The following KATNA1 variants were observed in gnomAD, a reference collection of about 807,000 sequenced individuals.
KATNA1 encodes katanin p60 ATPase-containing subunit A1.
In KATNA1, 42 loss-of-function variants were observed where a neutral mutation model predicts 62.6. The ratio of observed to expected loss-of-function variants is 0.67; its 90% CI spans 0.52 to 0.87. The LOEUF (loss-of-function observed/expected upper bound fraction) is 0.87. Among genes scored for constraint, KATNA1 ranks in the 40% least tolerant of loss-of-function variants. KATNA1 has a pLI of 0.00. For missense variants in KATNA1, 498 were observed against 612.5 expected, an observed-to-expected ratio of 0.81 and a Z score of 1.97; for synonymous variants, 186 against 201.9, an observed-to-expected ratio of 0.92 and a Z score of 0.67.
intron 3 of KATNA1, among the ~76,000 whole-genome samples, chr6:149,627,276 C>T (rs2114590297): frequency 6.6e-6 from 1 of 151,722 alleles, no homozygotes; most frequent in South Asian, 2.1e-4. Flanking sequence ...CACATGTGAT[C>T]CCAGTACTTT....
chr6:149,594,967 G>C lies in KATNA1; in HGVS notation c.*69C>G. On this transcript the variant is annotated 3_prime_UTR_variant, in exon 11 of 11. Transcript: ENST00000367411. ...AAAGTTAAAAAAAATATAGCACTCAGTACAATGAATTACTGCATTTAATAT... is the reference window on the plus strand; with the variant it reads ...AAAGTTAAAAAAAATATAGCACTCACTACAATGAATTACTGCATTTAATAT... 1 of 1,237,090 alleles carries C rather than the reference G, an allele frequency of 8.1e-7. No individual in the cohort carries two copies. Among genetic ancestry groups the C allele is most frequent in the Non-Finnish European group, 1.2e-6 (1 of 853,696 alleles). The allele number at this position is 1,237,090 out of a possible 1,614,324, so 76.6% of individuals were successfully genotyped here.
chr6:149,596,489 C>T (rs967734177), intron 10 of KATNA1, among the ~76,000 whole-genome samples: 231 of 152,272 alleles, frequency 1.5e-3, no homozygotes, highest in African/African-American at 5.3e-3. Context: ...GAGCCGAGAT[C>T]GGACCACTGC....
chr6:149,638,754 T>TG (rs1780169677), intron 1 of KATNA1, among the ~76,000 whole-genome samples, 194 bp from the exon 2 acceptor site: 2 of 147,172 alleles, frequency 1.4e-5, no homozygotes, highest in East Asian at 4.1e-4. Flanking sequence ...TTTTTTTTTT[T>TG]GAGACGGAGT....
At chr6:149,603,730 A>G (rs1778635585) in intron 5 of KATNA1, among the ~76,000 whole-genome samples, 1 of 152,154 alleles carries the variant, frequency 6.6e-6, no homozygotes, top group African/African-American at 2.4e-5. Flanking sequence ...GTATTTTAAA[A>G]CTAAAAAAAA....
intron 1 of KATNA1, among the ~76,000 whole-genome samples, chr6:149,646,001 C>T (rs889640640): frequency 1.3e-5 from 2 of 151,962 alleles, no homozygotes; most frequent in South Asian, 2.1e-4. Flanking sequence ...AAATACAGGG[C>T]CCTGCCTATT....
Position 149,598,246 on chromosome 6 carries a change from C to T in KATNA1, c.993G>A (p.Ala331=), listed in dbSNP as rs1018313048. The T allele has an allele frequency of 9.3e-6, 15 of 1,613,820 alleles. No homozygotes were observed. The highest frequency in any genetic ancestry group is 4.0e-5 in the African/African-American group (3 of 74,868). The change falls in exon 8 of 11, where the codon GCG becomes GCA. Residue 331 remains alanine (A), a synonymous_variant. Coordinates refer to ENST00000367411, the MANE Select transcript of KATNA1 (RefSeq NM_007044.4). The part of the protein sequence containing the change: ...EEHEASRRVK[A]ELLVQMDGVG... The stretch of plus-strand genomic sequence containing the variant: ...TACCATCCATCTGAACCAGCAGCTC[C>T]GCTTTCACCCTTCTGCTTGCTTCAT...
At chr6:149,635,264 G>A (rs1266135730) in intron 2 of KATNA1, among the ~76,000 whole-genome samples, 2 of 152,116 alleles carry the variant, frequency 1.3e-5, no homozygotes, top group East Asian at 1.9e-4. Flanking sequence ...GGAACAGACC[G>A]AGACTCTGCC....
intron 7 of KATNA1, among the ~76,000 whole-genome samples, chr6:149,600,430 C>A (rs1363722954): frequency 6.6e-6 from 1 of 151,922 alleles, no homozygotes; most frequent in East Asian, 1.9e-4. Flanking sequence ...GTCAGGAGTT[C>A]AAGACCAGCC....
At chr6:149,645,572 CA>C (rs1271775531) in intron 1 of KATNA1, among the ~76,000 whole-genome samples, 1 of 152,010 alleles carries the variant, frequency 6.6e-6, no homozygotes. Flanking sequence ...GAGATTGCCC[CA>C]AAATTCAGGC....
intron 4 of KATNA1, among the ~76,000 whole-genome samples, chr6:149,621,222 C>T (rs1779381831): frequency 6.6e-6 from 1 of 151,042 alleles, no homozygotes; most frequent in Non-Finnish European, 1.5e-5. Flanking sequence ...CTCCCGGGTT[C>T]AAGCCATTGT....
At chr6:149,596,991 A>T in intron 10 of KATNA1, 72 bp downstream of exon 10, 1 of 1,547,436 alleles carries the variant, frequency 6.5e-7, no homozygotes, top group Non-Finnish European at 8.8e-7. Context: ...TGTGTCTCAA[A>T]AAACAAAACC....
intron 2 of KATNA1, 81 bp downstream of exon 2, chr6:149,638,305 A>G: frequency 7.8e-7 from 1 of 1,280,524 alleles, no homozygotes; most frequent in South Asian, 1.3e-5. Context: ...ACATGTAACT[A>G]CATACAGCAT....
Position 149,598,347 on chromosome 6 carries a change from G to A in KATNA1, c.892C>T (p.Arg298Ter), listed in dbSNP as rs1304688768. 1 of 1,613,052 alleles carries A rather than the reference G, an allele frequency of 6.2e-7. No individual in the cohort carries two copies. The highest frequency in any genetic ancestry group is 8.5e-7 in the Non-Finnish European group (1 of 1,179,558). Residue 298 changes from arginine to a stop codon, truncating the protein, a stop_gained, in exon 8 of 11, where the codon CGA becomes TGA. Transcript: ENST00000367411. LOFTEE classifies it high-confidence loss of function. ...KLVRLLFEMA[R>*]FYSPATIFID... is the part of the protein sequence containing the mutation. ...AATATGGTGGCTGGAGAATAAAATC[G>A]AGCCTAAAGGAAGAAACCATGCAAT...
intron 1 of KATNA1, among the ~76,000 whole-genome samples, chr6:149,643,951 G>T (rs1780385458): frequency 6.6e-6 from 1 of 151,956 alleles, no homozygotes; most frequent in South Asian, 2.1e-4. Context: ...GCCTCCCAAA[G>T]TGCTAGGATT....
rs762301775 is a variant in KATNA1, at chr6:149,632,783, G to A, written c.296C>T (p.Ser99Phe). 3 of 1,613,256 alleles carry A rather than the reference G, an allele frequency of 1.9e-6. No homozygotes were observed. The South Asian group carries it at 3.3e-5, about 18-fold the overall frequency. ...DLPASEGEVW[S>F]MPVPVERRPS... Reference sequence around the variant, plus strand: ...CCTTCGTTCAACAGGTACAGGCATGGACCAGACTTCTCCCTCAGAAGCTGG... The same window carrying A: ...CCTTCGTTCAACAGGTACAGGCATGAACCAGACTTCTCCCTCAGAAGCTGG... Residue 99 changes from serine (S) to phenylalanine (F), a missense_variant, in exon 3 of 11, where the codon TCC becomes TTC. Ser to Phe is a radical substitution (Grantham distance 155). Around this residue, in one of 3 missense-constraint regions of KATNA1, gnomAD observed 203 missense variants for 198.4 expected, o/e 1.02. Transcript: ENST00000367411.
chr6:149,601,724 G>C lies in KATNA1; in HGVS notation c.758C>G (p.Thr253Arg), dbSNP rs770397288. The change falls in exon 7 of 11, where the codon ACG becomes AGG. Residue 253 changes from threonine to arginine, a missense_variant. By Grantham distance (71) the Thr-to-Arg change is moderately conservative. Around this residue, in one of 3 missense-constraint regions of KATNA1, gnomAD observed 267 missense variants for 372.6 expected, o/e 0.72. Coordinates refer to ENST00000367411, the MANE Select transcript of KATNA1 (RefSeq NM_007044.4). ...TGCTTTAGCAAGGAGCGTCTTCCCC[G>C]TGCCAGGTGGGCCGACCATCAGTAC... The part of the protein sequence containing the change: ...KGVLMVGPPG[T>R]GKTLLAKAVA... The C allele has an allele frequency of 1.1e-5, 17 of 1,607,332 alleles. No homozygotes were observed. The highest frequency in any genetic ancestry group is 1.4e-5 in the Non-Finnish European group (16 of 1,177,742).
At chr6:149,642,994 T>C (rs969321003) in intron 1 of KATNA1, among the ~76,000 whole-genome samples, 4 of 152,254 alleles carry the variant, frequency 2.6e-5, no homozygotes, top group Non-Finnish European at 5.9e-5. Context: ...TGTGTGCCTG[T>C]AACAAATAAC....
At chr6:149,596,638 A>G (rs1208827735) in intron 10 of KATNA1, among the ~76,000 whole-genome samples, 8 of 152,082 alleles carry the variant, frequency 5.3e-5, no homozygotes, top group African/African-American at 1.4e-4. Flanking sequence ...CAGTGGCACA[A>G]TCATGGCTCA....
intron 10 of KATNA1, 120 bp downstream of exon 10, chr6:149,596,943 T>A: frequency 1.1e-6 from 1 of 925,432 alleles, no homozygotes; most frequent in Non-Finnish European, 1.6e-6. Flanking sequence ...AAGCTGTGAC[T>A]GCGCCTCTAC....
Sources: allele counts gnomAD v4.1 joint callset (sites outside exome capture counted in the v4.1 genomes callset), GRCh38; gene constraint gnomAD v4.1.1; regional missense constraint gnomAD v4.1.1; transcripts MANE v1.5; gene names NCBI Gene and HGNC (gene_info 2026-07-23, HGNC 2026-07-21).